PPM1E: variants seen among roughly 807,000 people sequenced by gnomAD.
PPM1E encodes the protein protein phosphatase, Mg2+/Mn2+ dependent 1E, also known as protein phosphatase 1E.
Under a neutral mutation model 65.9 loss-of-function variants are expected in PPM1E, and 20 were observed. The ratio of observed to expected loss-of-function variants is 0.30; its 90% CI spans 0.21 to 0.44. PPM1E has a LOEUF of 0.44. PPM1E is among the 20% of genes least tolerant of loss of function. PPM1E has a pLI of 1.00. For missense variants in PPM1E, 713 were observed against 953.1 expected (o/e 0.75, Z 3.32); for synonymous variants, 352 against 374.9 (o/e 0.94, Z 0.70).
intron 1 of PPM1E, among the ~76,000 whole-genome samples, chr17:58,846,975 G>A (rs2050778152): frequency 6.6e-6 from 1 of 152,166 alleles, no homozygotes; most frequent in Non-Finnish European, 1.5e-5. Flanking sequence ...ACTGGTGTGA[G>A]ATGGTATCTC....
intron 1 of PPM1E, among the ~76,000 whole-genome samples, chr17:58,820,711 A>G (rs1446476054): frequency 1.3e-5 from 2 of 152,226 alleles, no homozygotes; most frequent in African/African-American, 4.8e-5. Flanking sequence ...AAATGGTGCT[A>G]GAAGCTCAAC....
In PPM1E at chr17:58,984,881, A is replaced by AGAT. The variant is rs2031652242; in HGVS notation, c.*3851_*3853dup. The AGAT allele has an allele frequency of 6.6e-6, 1 of 152,588 alleles. No homozygotes were observed. Among genetic ancestry groups the AGAT allele is most frequent in the African/African-American group, 2.4e-5 (1 of 41,474 alleles). The allele number at this position is 152,588 out of a possible 1,614,324, so 9.5% of individuals were successfully genotyped here. A position where few individuals can be genotyped will look rare whatever the true frequency, so the allele number is the denominator to read the frequency against. On this transcript the variant is annotated 3_prime_UTR_variant, in exon 7 of 7. Transcript: ENST00000308249. Reference sequence around the variant, plus strand: ...AAAAGGAAATAAACTTTGATGAATTAGATAATCCAGATACATCATTGTAAA... The same window carrying AGAT: ...AAAAGGAAATAAACTTTGATGAATTAGATGATAATCCAGATACATCATTGTAAA...
intron 1 of PPM1E, among the ~76,000 whole-genome samples, chr17:58,886,600 T>A (rs1267202764): frequency 6.6e-6 from 1 of 152,214 alleles, no homozygotes; most frequent in East Asian, 1.9e-4. Flanking sequence ...CTTTTGCCTT[T>A]ACTAGCTTGA....
At chr17:58,898,560 G>A (rs919998270) in intron 1 of PPM1E, among the ~76,000 whole-genome samples, 3 of 152,132 alleles carry the variant, frequency 2.0e-5, no homozygotes, top group African/African-American at 2.4e-5. Flanking sequence ...CACTGTTGGT[G>A]GGAGTGTAAA....
chr17:58,756,056 G>A lies in PPM1E; in HGVS notation c.59G>A (p.Gly20Asp). 6.2e-7 allele frequency: 1 copy of A among 1,613,992 alleles called. No individual in the cohort carries two copies. Among genetic ancestry groups the A allele is most frequent in the African/African-American group, 1.3e-5 (1 of 75,050 alleles). Residue 20 changes from glycine (G) to aspartate (D), a missense_variant, in exon 1 of 7, where the codon GGC becomes GAC. Gly to Asp is a moderately conservative substitution (Grantham distance 94). Transcript: ENST00000308249. ...CGGCGCTTCCTGGAGCTATTCCTGG[G>A]CGAGTTTCGCGGACCGTGCGGCGGC... ...TYRRFLELFL[G>D]EFRGPCGGGE...
At chr17:58,855,263 G>GC (rs988762101) in intron 1 of PPM1E, among the ~76,000 whole-genome samples, 15 of 152,266 alleles carry the variant, frequency 9.9e-5, no homozygotes, top group South Asian at 2.1e-4. Flanking sequence ...GATCTAACCT[G>GC]CTAGGGTTTT....
At chr17:58,971,431 C>G (rs1157661439) in intron 4 of PPM1E, among the ~76,000 whole-genome samples, 1 of 152,156 alleles carries the variant, frequency 6.6e-6, no homozygotes, top group Non-Finnish European at 1.5e-5. Flanking sequence ...ATGGGGATGT[C>G]ATTTTCGTAT....
intron 1 of PPM1E, among the ~76,000 whole-genome samples, chr17:58,786,403 T>C (rs1156753132): frequency 6.6e-6 from 1 of 152,222 alleles, no homozygotes; most frequent in Non-Finnish European, 1.5e-5. Context: ...GGGACCATTA[T>C]TAAGTAAAAT....
chr17:58,945,801 A>G (rs1406498823), intron 1 of PPM1E, among the ~76,000 whole-genome samples: 1 of 152,200 alleles, frequency 6.6e-6, no homozygotes, highest in Admixed American at 6.5e-5. Context: ...CAGCCAGATA[A>G]AGAGAGATAT....
chr17:58,882,730 G>A (rs938297900), intron 1 of PPM1E, among the ~76,000 whole-genome samples: 11 of 151,842 alleles, frequency 7.2e-5, no homozygotes, highest in South Asian at 2.1e-4. Context: ...AGGTCTTTCC[G>A]TAGCAATACT....
At chr17:58,777,161 G>A (rs2050001952) in intron 1 of PPM1E, among the ~76,000 whole-genome samples, 1 of 152,132 alleles carries the variant, frequency 6.6e-6, no homozygotes, top group Non-Finnish European at 1.5e-5. Flanking sequence ...TGAACTTGGA[G>A]GCTGCAGTGA....
intron 1 of PPM1E, among the ~76,000 whole-genome samples, chr17:58,800,588 A>G (rs2050249934): frequency 6.6e-6 from 1 of 152,114 alleles, no homozygotes; most frequent in Non-Finnish European, 1.5e-5. Context: ...AACAAAGTCA[A>G]TTTCTCTGAT....
intron 1 of PPM1E, among the ~76,000 whole-genome samples, chr17:58,872,910 G>A (rs1310655167): frequency 6.6e-6 from 1 of 152,182 alleles, no homozygotes; most frequent in African/African-American, 2.4e-5. Context: ...AAGGAAGACT[G>A]CCTTAACATT....
At chr17:58,874,639 T>C (rs2051109013) in intron 1 of PPM1E, among the ~76,000 whole-genome samples, 1 of 152,186 alleles carries the variant, frequency 6.6e-6, no homozygotes, top group African/African-American at 2.4e-5. Flanking sequence ...TAATATGTAC[T>C]TATGGGGTCT....
chr17:58,982,963 C>T lies in PPM1E; in HGVS notation c.*1932C>T, dbSNP rs763037892. 2.6e-6 allele frequency: 4 copies of T among 1,535,632 alleles called. No individual in the cohort carries two copies. Among genetic ancestry groups the T allele is most frequent in the Non-Finnish European group, 3.5e-6 (4 of 1,128,996 alleles). On this transcript the variant is annotated 3_prime_UTR_variant, in exon 7 of 7. Transcript: ENST00000308249. ...ACAAAGGCAGCAGACTATTGGTACA[C>T]ATTATAGTCCAAAGTGCTTAGCGAA...
chr17:58,921,825 G>A (rs569106263), intron 1 of PPM1E, among the ~76,000 whole-genome samples: 1 of 152,112 alleles, frequency 6.6e-6, no homozygotes, highest in African/African-American at 2.4e-5. Context: ...TGGATTGTCT[G>A]AGGTCAGGAG....
chr17:58,897,206 A>G (rs1298845154), intron 1 of PPM1E, among the ~76,000 whole-genome samples: 1 of 152,022 alleles, frequency 6.6e-6, no homozygotes, highest in Non-Finnish European at 1.5e-5. Flanking sequence ...CGAGGTCAGG[A>G]GATCGAGACC....
intron 1 of PPM1E, among the ~76,000 whole-genome samples, chr17:58,833,115 TA>T (rs1253884565): frequency 5.3e-5 from 8 of 150,684 alleles, no homozygotes; most frequent in African/African-American, 1.5e-4. Flanking sequence ...ATACAATCCT[TA>T]AAAAAAAATG....
At chr17:58,901,409 C>T (rs1298814567) in intron 1 of PPM1E, among the ~76,000 whole-genome samples, 1 of 152,172 alleles carries the variant, frequency 6.6e-6, no homozygotes, top group Non-Finnish European at 1.5e-5. Flanking sequence ...TGCGGTGGCT[C>T]ACGCCTGTAA....
Sources: gnomAD v4.1 joint callset for allele counts (sites outside exome capture counted in the v4.1 genomes callset) on GRCh38, gnomAD v4.1.1 for gene constraint, MANE v1.5 for transcripts, NCBI Gene and HGNC (gene_info 2026-07-23, HGNC 2026-07-21) for gene names.